The following BIRC6 variants were observed in gnomAD, a reference collection of about 807,000 sequenced individuals.
The protein encoded by BIRC6 is baculoviral IAP repeat containing 6.
A neutral mutation model predicts 503.3 loss-of-function variants in BIRC6; 98 were observed. That is an observed-to-expected ratio of 0.19 (90% CI 0.17 to 0.23). The LOEUF (loss-of-function observed/expected upper bound fraction) is 0.23, where lower values mean the gene tolerates loss of function less well. Among genes scored for constraint, BIRC6 ranks in the 10% least tolerant of loss-of-function variants. BIRC6 has a pLI of 1.00. For synonymous variants in BIRC6, 2,240 were observed against 2,078.7 expected (o/e 1.08, Z -2.11); for missense variants, 5,360 against 5,806.0 (o/e 0.92, Z 2.50).
intron 62 of BIRC6, 72 bp downstream of exon 62, chr2:32,543,613 A>G: frequency 7.2e-6 from 10 of 1,390,282 alleles, no homozygotes; most frequent in South Asian, 1.3e-5. Context: ...ATCATTGCCT[A>G]TTATTCATCA....
At chr2:32,597,106 TTCAACCATATGTA>T (rs1240979156) in intron 68 of BIRC6, among the ~76,000 whole-genome samples, 1 of 152,260 alleles carries the variant, frequency 6.6e-6, no homozygotes, top group Non-Finnish European at 1.5e-5. Flanking sequence ...AAACTGCATT[TTCAACCATATGTA>T]TCAAACATTT....
chr2:32,605,385 G>C (rs1215666689), intron 71 of BIRC6, among the ~76,000 whole-genome samples: 1 of 152,048 alleles, frequency 6.6e-6, no homozygotes, highest in Non-Finnish European at 1.5e-5. Flanking sequence ...AAGGAGATGA[G>C]GTTAAATAAA....
intron 73 of BIRC6, among the ~76,000 whole-genome samples, chr2:32,616,825 C>T (rs545273690): frequency 7.3e-4 from 111 of 152,054 alleles, no homozygotes; most frequent in African/African-American, 2.6e-3. Context: ...AGTGTATAGG[C>T]TGGGCACAGT....
intron 65 of BIRC6, 63 bp downstream of exon 65, chr2:32,549,544 C>G: frequency 1.6e-6 from 2 of 1,226,532 alleles, no homozygotes; most frequent in South Asian, 6.1e-5. Context: ...TTATCATTGT[C>G]TAATAGTAAG....
chr2:32,596,796 T>C (rs551285025), intron 68 of BIRC6, among the ~76,000 whole-genome samples: 6 of 152,336 alleles, frequency 3.9e-5, no homozygotes, highest in African/African-American at 1.4e-4. Flanking sequence ...TTTAGTCATA[T>C]TTCATATCTA....
rs1242346179 is a variant in BIRC6, at chr2:32,414,775, C to T, written c.1484C>T (p.Thr495Ile). 2.5e-6 allele frequency: 4 copies of T among 1,610,980 alleles called. No individual in the cohort carries two copies. The highest frequency in any genetic ancestry group is 1.3e-5 in the African/African-American group (1 of 74,800). The change falls in exon 10 of 74, where the codon ACA (threonine) becomes ATA (isoleucine). Residue 495 changes from threonine to isoleucine, a missense_variant. Physicochemically the swap from Thr to Ile is moderately conservative, Grantham distance 89. Coordinates refer to ENST00000421745, the MANE Select transcript of BIRC6 (RefSeq NM_016252.4). The stretch of plus-strand genomic sequence containing the variant: ...ATATTGTTCCTTTTTAAAGGGCATA[C>T]ATCACAGAAGGAAGCCATGGAAGTA... ...HSRSDSVTGH[T>I]SQKEAMEVSL...
chr2:32,456,486 C>A (rs1251113158), intron 23 of BIRC6, among the ~76,000 whole-genome samples: 1 of 152,088 alleles, frequency 6.6e-6, no homozygotes. Context: ...ATATTTTTGT[C>A]TTGAATATGA....
At position 32,493,572 on chromosome 2, in the gene BIRC6, A is replaced by T. The variant is rs1226082054; in HGVS notation, c.8373A>T (p.Glu2791Asp). The T allele has an allele frequency of 6.2e-7, 1 of 1,611,082 alleles. No individual in the cohort carries two copies. Among genetic ancestry groups the T allele is most frequent in the South Asian group, 1.1e-5 (1 of 90,872 alleles). ...VGPTATQAMQEFLTRLQVHLS... is the reference protein window; with the variant it reads ...VGPTATQAMQDFLTRLQVHLS... ...CTACAGCTACACAAGCTATGCAAGA[A>T]TTTCTTACTCGATTACAAGTGCATC... Residue 2791 changes from glutamate (E) to aspartate (D), a missense_variant, in exon 45 of 74, where the codon GAA becomes GAT. Glu to Asp is a conservative substitution (Grantham distance 45, BLOSUM62 2). Transcript: ENST00000421745.
chr2:32,582,276 A>G (rs918952136), intron 66 of BIRC6, among the ~76,000 whole-genome samples: 1 of 152,150 alleles, frequency 6.6e-6, no homozygotes, highest in African/African-American at 2.4e-5. Context: ...TGGGAGGCCA[A>G]GGTGGGAGGA....
At chr2:32,411,127 C>G (rs2041826836) in intron 9 of BIRC6, among the ~76,000 whole-genome samples, 1 of 152,036 alleles carries the variant, frequency 6.6e-6, no homozygotes, top group Non-Finnish European at 1.5e-5. Context: ...CAACCTCTGC[C>G]TCCCGGGTTC....
chr2:32,527,736 G>A (rs879499519), intron 59 of BIRC6: 2 of 152,260 alleles, frequency 1.3e-5, no homozygotes, highest in African/African-American at 2.4e-5. Flanking sequence ...TCAGCAGTAA[G>A]CTGGAAGAAG....
intron 61 of BIRC6, among the ~76,000 whole-genome samples, chr2:32,533,521 T>C (rs907891939): frequency 6.6e-6 from 1 of 152,214 alleles, no homozygotes; most frequent in Non-Finnish European, 1.5e-5. Flanking sequence ...AATTTAGATA[T>C]TTGCTATCAG....
intron 45 of BIRC6, among the ~76,000 whole-genome samples, chr2:32,494,235 T>A (rs1246642658): frequency 6.6e-6 from 1 of 151,342 alleles, no homozygotes; most frequent in Non-Finnish European, 1.5e-5. Flanking sequence ...ATGAAAACTT[T>A]TTTTTTTTTT....
chr2:32,565,192 A>C (rs980664170), intron 65 of BIRC6: 1 of 152,212 alleles, frequency 6.6e-6, no homozygotes, highest in African/African-American at 2.4e-5. Context: ...TTTCCTACTA[A>C]TTAAATGTTT....
In BIRC6 at chr2:32,505,093, T is replaced by G; in HGVS notation, c.9588T>G (p.Ala3196=). Residue 3196 remains alanine (A), a synonymous_variant, in exon 50 of 74, where the codon GCT becomes GCG. Coordinates refer to ENST00000421745, the MANE Select transcript of BIRC6 (RefSeq NM_016252.4). The part of the protein sequence containing the change: ...TPPHRRARSA[A]WSYIFLPEEA... The stretch of plus-strand genomic sequence containing the variant: ...CTCACAGAAGAGCTCGCTCTGCTGC[T>G]TGGTCCTACATCTTTCTTCCAGAGG... 1 of 1,612,584 alleles carries G rather than the reference T, an allele frequency of 6.2e-7. No individual in the cohort carries two copies. Among genetic ancestry groups the G allele is most frequent in the Non-Finnish European group, 8.5e-7 (1 of 1,179,274 alleles).
At chr2:32,375,007 T>A (rs969030274) in intron 1 of BIRC6, among the ~76,000 whole-genome samples, 7 of 152,202 alleles carry the variant, frequency 4.6e-5, no homozygotes, top group African/African-American at 1.7e-4. Context: ...ATGGTATTAT[T>A]TAGGCTTTTG....
At chr2:32,403,801 A>G (rs778936275) in intron 8 of BIRC6, among the ~76,000 whole-genome samples, 8 of 152,234 alleles carry the variant, frequency 5.3e-5, no homozygotes, top group Non-Finnish European at 7.3e-5. Context: ...TAAATAGTGC[A>G]TGCTTATTGC....
At chr2:32,481,524 T>G in intron 38 of BIRC6, 71 bp downstream of exon 38, 1 of 1,306,102 alleles carries the variant, frequency 7.7e-7, no homozygotes, top group Non-Finnish European at 1.0e-6. Context: ...CCCAGCACTT[T>G]GGGAGGCCAA....
intron 1 of BIRC6, among the ~76,000 whole-genome samples, chr2:32,369,945 AATATATATATATATATATATAT>A (rs67839399): frequency 1.4e-4 from 6 of 44,224 alleles, no homozygotes; most frequent in Non-Finnish European, 2.2e-4. Flanking sequence ...AAAAAAAAAA[AATATATATATATATATATATAT>A]ATATATATAT....
Sources: allele counts gnomAD v4.1 joint callset (sites outside exome capture counted in the v4.1 genomes callset), GRCh38; gene constraint gnomAD v4.1.1; transcripts MANE v1.5; gene names NCBI Gene and HGNC (gene_info 2026-07-23, HGNC 2026-07-21).